PAFAH1B1: variants seen among roughly 807,000 people sequenced by gnomAD.
The protein encoded by PAFAH1B1 is platelet activating factor acetylhydrolase 1b regulatory subunit 1.
PAFAH1B1 carries 2 observed loss-of-function variants against 57.5 expected under a neutral mutation model. The observed-to-expected ratio is 0.03, with a 90% CI of 0.01 to 0.11. PAFAH1B1 has a LOEUF of 0.11. Ranked by LOEUF, PAFAH1B1 falls within the 10% of genes least tolerant of loss-of-function variation. PAFAH1B1 has a pLI of 1.00. For missense variants in PAFAH1B1, 257 were observed against 512.0 expected (o/e 0.50, Z 4.81); for synonymous variants, 152 against 169.6 (o/e 0.90, Z 0.81).
chr17:2,647,226 T>G (rs1178289591), intron 2 of PAFAH1B1, among the ~76,000 whole-genome samples: 1 of 152,132 alleles, frequency 6.6e-6, no homozygotes. Context: ...GGTGCACACC[T>G]GTAGTCCCAG....
chr17:2,670,122 T>A, intron 5 of PAFAH1B1, 41 bp from the exon 6 acceptor site: 1 of 1,575,646 alleles, frequency 6.3e-7, no homozygotes, highest in Non-Finnish European at 8.7e-7. Context: ...AAGAAAGGAG[T>A]GATGGAGTTG....
At chr17:2,648,563 AGCTAATTG>A (rs1353636394) in intron 2 of PAFAH1B1, among the ~76,000 whole-genome samples, 5 of 152,084 alleles carry the variant, frequency 3.3e-5, no homozygotes, top group Middle Eastern at 6.8e-3. Flanking sequence ...CTGTAGCCCC[AGCTAATTG>A]GGAGGCTGAG....
rs377442781 is a variant in PAFAH1B1 at position 2,671,248 on chromosome 17, G to A, written c.568+917G>A. On this transcript the variant is annotated intron_variant, in intron 6 of 10. Coordinates refer to ENST00000397195, the MANE Select transcript of PAFAH1B1 (RefSeq NM_000430.4). ...TTTTGAGACTGTGTCTCACTCTGTC[G>A]CCCAGGCTGGAGTGCAGTGGCACAA... 1.3e-4 allele frequency among the ~76,000 whole-genome samples: 19 copies of A among 151,624 alleles called. No individual in the cohort carries two copies. In the South Asian group the frequency reaches 3.7e-3, roughly 30 times the overall value.
chr17:2,649,445 G>A (rs559306507), intron 2 of PAFAH1B1, among the ~76,000 whole-genome samples: 31 of 151,828 alleles, frequency 2.0e-4, no homozygotes, highest in East Asian at 5.8e-4. Context: ...GTGGTGGTGC[G>A]CGCCTGTAGT....
At chr17:2,675,532 TGGCTC>T (rs2069248793) in intron 8 of PAFAH1B1, among the ~76,000 whole-genome samples, 7 of 151,942 alleles carry the variant, frequency 4.6e-5, no homozygotes, top group African/African-American at 1.7e-4. Context: ...TCTGGTGTGG[TGGCTC>T]ACGCCTGTAA....
chr17:2,607,188 A>G (rs2068215681), intron 1 of PAFAH1B1, among the ~76,000 whole-genome samples: 1 of 150,344 alleles, frequency 6.7e-6, no homozygotes, highest in Non-Finnish European at 1.5e-5. Flanking sequence ...TTTGTTTTTT[A>G]TTTTGAGACA....
At chr17:2,664,383 C>T (rs1044788425) in intron 2 of PAFAH1B1, among the ~76,000 whole-genome samples, 4 of 151,018 alleles carry the variant, frequency 2.6e-5, no homozygotes, top group South Asian at 4.2e-4. Flanking sequence ...GGTGGGATTA[C>T]AGGCATGTGC....
At chr17:2,614,253 C>A (rs920947698) in intron 1 of PAFAH1B1, among the ~76,000 whole-genome samples, 2 of 151,920 alleles carry the variant, frequency 1.3e-5, no homozygotes, top group Non-Finnish European at 2.9e-5. Flanking sequence ...ATCTCAAACT[C>A]CTGAGCTCAA....
intron 1 of PAFAH1B1, among the ~76,000 whole-genome samples, chr17:2,618,805 G>A (rs1311447954): frequency 6.7e-6 from 1 of 150,188 alleles, no homozygotes; most frequent in Non-Finnish European, 1.5e-5. Context: ...TCGCTCACTT[G>A]GGAGGCCGAG....
intron 1 of PAFAH1B1, among the ~76,000 whole-genome samples, chr17:2,600,172 C>T (rs1229437705): frequency 2.0e-5 from 3 of 151,782 alleles, no homozygotes; most frequent in African/African-American, 7.3e-5. Context: ...TAAAGAACTC[C>T]TGGCCTCAAG....
chr17:2,596,254 G>A (rs1389058963), intron 1 of PAFAH1B1, among the ~76,000 whole-genome samples: 10 of 151,758 alleles, frequency 6.6e-5, no homozygotes, highest in African/African-American at 1.9e-4. Flanking sequence ...TATTGTTCTC[G>A]CCATATAAGT....
At chr17:2,607,965 TCTA>T (rs2068225364) in intron 1 of PAFAH1B1, among the ~76,000 whole-genome samples, 1 of 152,240 alleles carries the variant, frequency 6.6e-6, no homozygotes, top group Admixed American at 6.5e-5. Context: ...ACGTGAATAT[TCTA>T]CTGTATATCT....
chr17:2,664,674 CTCTCTCTCTCTCTCTCTCTT>C (rs1379406643), intron 2 of PAFAH1B1, among the ~76,000 whole-genome samples: 4 of 115,308 alleles, frequency 3.5e-5, no homozygotes, highest in South Asian at 3.0e-4. Flanking sequence ...CGCTCTCTCT[CTCTCTCTCTCTCTCTCTCTT>C]TCTCTCTCCA....
intron 1 of PAFAH1B1, among the ~76,000 whole-genome samples, chr17:2,603,289 A>G (rs925664122): frequency 3.3e-5 from 5 of 152,072 alleles, no homozygotes; most frequent in Non-Finnish European, 5.9e-5. Context: ...AGCTGGGTCT[A>G]CAGGCCCGCG....
rs1157844220 is a variant in PAFAH1B1 at position 2,685,598 on chromosome 17, T to TA, written c.*3799dup. The TA allele has an allele frequency of 6.6e-6, 1 of 150,782 alleles. No homozygotes were observed. Among genetic ancestry groups the TA allele is most frequent in the Non-Finnish European group, 1.5e-5 (1 of 67,744 alleles). The allele number at this position is 150,782 out of a possible 1,614,324, so 9.3% of individuals were successfully genotyped here. A position where few individuals can be genotyped will look rare whatever the true frequency, so the allele number is the denominator to read the frequency against. On this transcript the variant is annotated 3_prime_UTR_variant, in exon 11 of 11. Coordinates refer to ENST00000397195, the MANE Select transcript of PAFAH1B1 (RefSeq NM_000430.4). ...CTTATTGTACCAACTGGTAAACTAT[T>TA]AAATGCCTATAAAACTAGATGTGAT...
chr17:2,679,609 G>T (rs1469401345), intron 9 of PAFAH1B1: 1 of 75,138 alleles, frequency 1.3e-5, no homozygotes, highest in Admixed American at 1.3e-4. Flanking sequence ...TGGGTGGGTG[G>T]ATGGATGGAT....
At chr17:2,639,417 ATAAT>A (rs752744343) in intron 2 of PAFAH1B1, 1 of 152,210 alleles carries the variant, frequency 6.6e-6, no homozygotes, top group African/African-American at 2.4e-5. Flanking sequence ...AGCTAATAAA[ATAAT>A]TAATGCAGAT....
intron 5 of PAFAH1B1, among the ~76,000 whole-genome samples, chr17:2,669,132 A>G (rs559955877): frequency 9.9e-5 from 15 of 152,172 alleles, no homozygotes; most frequent in African/African-American, 3.6e-4. Flanking sequence ...AAAAGTTTAT[A>G]CTTTTTGACC....
intron 1 of PAFAH1B1, among the ~76,000 whole-genome samples, chr17:2,606,344 A>C (rs2068204052): frequency 1.3e-5 from 2 of 152,134 alleles, no homozygotes; most frequent in African/African-American, 4.8e-5. Flanking sequence ...CCCAATGGAA[A>C]AAAAGTGCTT....
Sources: gnomAD v4.1 joint callset for allele counts (sites outside exome capture counted in the v4.1 genomes callset) on GRCh38, gnomAD v4.1.1 for gene constraint, MANE v1.5 for transcripts, NCBI Gene and HGNC (gene_info 2026-07-23, HGNC 2026-07-21) for gene names.